MAST4: variants seen among roughly 807,000 people sequenced by gnomAD.
MAST4 encodes the protein microtubule-associated serine/threonine-protein kinase 4.
In MAST4, 89 loss-of-function variants were observed where a neutral mutation model predicts 162.7. The observed-to-expected ratio is 0.55, with a 90% CI of 0.46 to 0.65. MAST4 has a LOEUF of 0.65. Ranked by LOEUF, MAST4 falls within the 30% of genes least tolerant of loss-of-function variation. MAST4 has a pLI of 0.00. For missense variants in MAST4, 3,153 were observed against 3,374.0 expected (o/e 0.93, Z 1.62); for synonymous variants, 1,479 against 1,361.1 (o/e 1.09, Z -1.91).
At chr5:66,905,397 A>G (rs1401725405) in intron 4 of MAST4, among the ~76,000 whole-genome samples, 1 of 151,932 alleles carries the variant, frequency 6.6e-6, no homozygotes, top group Non-Finnish European at 1.5e-5. Context: ...CTGGAAAAGT[A>G]TGTCTCTGCA....
At chr5:67,130,483 C>T (rs543995599) in intron 15 of MAST4, 65 bp downstream of exon 15, 2 of 1,533,842 alleles carry the variant, frequency 1.3e-6, no homozygotes, top group African/African-American at 2.7e-5. Flanking sequence ...GTTGTTGAAG[C>T]TGTCTGTATT....
intron 1 of MAST4, among the ~76,000 whole-genome samples, chr5:66,673,064 A>G (rs571612781): frequency 6.6e-6 from 1 of 152,084 alleles, no homozygotes; most frequent in Non-Finnish European, 1.5e-5. Flanking sequence ...CATCAAGTGC[A>G]TATTATTTTG....
intron 1 of MAST4, among the ~76,000 whole-genome samples, chr5:66,753,313 A>G (rs1753308026): frequency 6.6e-6 from 1 of 152,144 alleles, no homozygotes; most frequent in South Asian, 2.1e-4. Flanking sequence ...AGCAGAACTG[A>G]AGGAAATAGA....
intron 1 of MAST4, among the ~76,000 whole-genome samples, chr5:66,700,244 C>G (rs1749678334): frequency 6.6e-6 from 1 of 152,074 alleles, no homozygotes; most frequent in Admixed American, 6.5e-5. Context: ...CATTTCTTAG[C>G]AAGATATTTT....
At chr5:66,891,081 T>A (rs174012) in intron 3 of MAST4, among the ~76,000 whole-genome samples, 70,708 of 151,990 alleles carry the variant, frequency 0.47, 16,814 homozygotes, top group East Asian at 0.67. Context: ...TTACAGTTTG[T>A]CTCATATTCC....
At chr5:67,005,948 G>A (rs1160741860) in intron 4 of MAST4, among the ~76,000 whole-genome samples, 2 of 152,214 alleles carry the variant, frequency 1.3e-5, no homozygotes, top group African/African-American at 2.4e-5. Flanking sequence ...AGATAAACAG[G>A]ATGCAGGCTC....
intron 3 of MAST4, among the ~76,000 whole-genome samples, chr5:66,854,195 T>C (rs1418226240): frequency 6.6e-6 from 1 of 152,206 alleles, no homozygotes; most frequent in Admixed American, 6.5e-5. Context: ...CTATACTGCC[T>C]AGCACACAGT....
chr5:67,000,757 G>GGA (rs572058120), intron 4 of MAST4, among the ~76,000 whole-genome samples: 5 of 76,276 alleles, frequency 6.6e-5, no homozygotes, highest in African/African-American at 2.2e-4. Context: ...TAAAAAAAAA[G>GGA]GGGGGGGGTG....
chr5:66,785,419 A>G (rs1755068152), intron 2 of MAST4, among the ~76,000 whole-genome samples: 1 of 152,178 alleles, frequency 6.6e-6, no homozygotes, highest in Non-Finnish European at 1.5e-5. Context: ...TTCTTCACCT[A>G]AACATATGTG....
chr5:66,694,527 A>T (rs145580680), intron 1 of MAST4, among the ~76,000 whole-genome samples: 83 of 150,956 alleles, frequency 5.5e-4, no homozygotes, highest in African/African-American at 1.9e-3. Flanking sequence ...CGCTGTGTTG[A>T]CCAGGCCAGA....
At chr5:66,855,137 G>C (rs970962169) in intron 3 of MAST4, among the ~76,000 whole-genome samples, 2 of 152,192 alleles carry the variant, frequency 1.3e-5, no homozygotes, top group African/African-American at 4.8e-5. Flanking sequence ...GTGGGCCCTG[G>C]TGGGAGATGT....
At chr5:66,806,131 G>C (rs1756174181) in intron 3 of MAST4, among the ~76,000 whole-genome samples, 1 of 152,166 alleles carries the variant, frequency 6.6e-6, no homozygotes, top group African/African-American at 2.4e-5. Flanking sequence ...GAGTTATTCA[G>C]AACATCCTCT....
chr5:66,653,346 G>T (rs1173386908), intron 1 of MAST4, among the ~76,000 whole-genome samples: 1 of 152,098 alleles, frequency 6.6e-6, no homozygotes, highest in African/African-American at 2.4e-5. Flanking sequence ...TCTTTCCCTT[G>T]TCAGTACCTT....
chr5:66,674,988 G>T lies in MAST4; in HGVS notation c.363+77970G>T, dbSNP rs7721503. Reference sequence around the variant, plus strand: ...GCAGCTAAGAACACAGCCAGCTTGTGCTGAGGGAATGGAGGCATTAGAAGG... The same window carrying T: ...GCAGCTAAGAACACAGCCAGCTTGTTCTGAGGGAATGGAGGCATTAGAAGG... On this transcript the variant is annotated intron_variant, in intron 1 of 28. Transcript: ENST00000403625. 5.6e-3 allele frequency among the ~76,000 whole-genome samples: 854 copies of T among 152,314 alleles called. 11 individuals are homozygous for T. The highest frequency in any genetic ancestry group is 0.02 in the African/African-American group (827 of 41,566).
intron 3 of MAST4, among the ~76,000 whole-genome samples, chr5:66,883,497 C>T (rs572297819): frequency 1.4e-5 from 2 of 146,500 alleles, no homozygotes; most frequent in Admixed American, 7.0e-5. Context: ...GGCGTGATCT[C>T]GGCTCACTGC....
intron 3 of MAST4, among the ~76,000 whole-genome samples, chr5:66,893,752 T>A (rs1344543657): frequency 6.6e-6 from 1 of 152,232 alleles, no homozygotes; most frequent in African/African-American, 2.4e-5. Flanking sequence ...TTTTCCAGCT[T>A]GACTACTGTC....
At chr5:67,077,197 T>A (rs1360162510) in intron 5 of MAST4, among the ~76,000 whole-genome samples, 5 of 152,154 alleles carry the variant, frequency 3.3e-5, no homozygotes, top group African/African-American at 1.2e-4. Flanking sequence ...ATTCACTTTT[T>A]TTTTTCCAGC....
chr5:66,715,700 T>C (rs1419420360), intron 1 of MAST4, among the ~76,000 whole-genome samples: 1 of 144,374 alleles, frequency 6.9e-6, no homozygotes. Context: ...AAAAAAAAAT[T>C]TAACCTGAAA....
At chr5:66,808,578 T>C (rs1255535168) in intron 3 of MAST4, among the ~76,000 whole-genome samples, 1 of 152,180 alleles carries the variant, frequency 6.6e-6, no homozygotes, top group East Asian at 1.9e-4. Context: ...CCATGAAACT[T>C]TGGACTCCTT....
Sources: gnomAD v4.1 joint callset for allele counts (sites outside exome capture counted in the v4.1 genomes callset) on GRCh38, gnomAD v4.1.1 for gene constraint, MANE v1.5 for transcripts, NCBI Gene and HGNC (gene_info 2026-07-23, HGNC 2026-07-21) for gene names.